Variants in ATP2A2 observed in about 807,000 individuals in gnomAD.
ATP2A2 encodes the protein ATPase sarcoplasmic/endoplasmic reticulum Ca2+ transporting 2.
Under a neutral mutation model 109.3 loss-of-function variants are expected in ATP2A2, and 14 were observed. The observed-to-expected ratio is 0.13, with a 90% CI of 0.08 to 0.20. The LOEUF is 0.20. Ranked by LOEUF, ATP2A2 falls within the 10% of genes least tolerant of loss-of-function variation. ATP2A2 has a pLI of 1.00. For synonymous variants in ATP2A2, 506 were observed against 490.9 expected (o/e 1.03, Z -0.41); for missense variants, 657 against 1,321.6 (o/e 0.50, Z 7.80).
Position 110,281,533 on chromosome 12 carries a change from C to T in ATP2A2, c.-257C>T. ...CTGAGGGCGAGGGAGGCCCTCCCTTCTGGCGAGGGGAGGGAGGGTGGGTCA... is the reference window on the plus strand; with the variant it reads ...CTGAGGGCGAGGGAGGCCCTCCCTTTTGGCGAGGGGAGGGAGGGTGGGTCA... On this transcript the variant is annotated 5_prime_UTR_variant, in exon 1 of 20. Transcript: ENST00000539276. 4.4e-6 allele frequency: 1 copy of T among 228,798 alleles called. No homozygotes were observed. Among genetic ancestry groups the T allele is most frequent in the Non-Finnish European group, 8.4e-6 (1 of 119,376 alleles). 14.2% of individuals were successfully genotyped at this position (228,798 alleles called of 1,614,324 possible).
chr12:110,289,707 G>A (rs1175087066), intron 3 of ATP2A2, among the ~76,000 whole-genome samples: 1 of 151,864 alleles, frequency 6.6e-6, no homozygotes, highest in Non-Finnish European at 1.5e-5. Context: ...ATTTTATTAT[G>A]AAATATGCAA....
intron 4 of ATP2A2, among the ~76,000 whole-genome samples, chr12:110,294,304 A>C (rs1027266268): frequency 6.8e-4 from 104 of 152,136 alleles, no homozygotes; most frequent in Non-Finnish European, 1.3e-3. Flanking sequence ...CGGCCTCCCA[A>C]AGTGCCGGGA....
Position 110,348,269 on chromosome 12 carries a change from C to T in ATP2A2, c.*1799C>T, listed in dbSNP as rs1305054120. ...ATAGGCCACTTCCCCACTCCCCCAC[C>T]CCCCCTTGCTTGGTCTTGTCCTTGG... On this transcript the variant is annotated 3_prime_UTR_variant, in exon 20 of 20. Coordinates refer to ENST00000539276, the MANE Select transcript of ATP2A2 (RefSeq NM_170665.4). 1.0e-6 allele frequency: 1 copy of T among 985,142 alleles called. No homozygotes were observed. The highest frequency in any genetic ancestry group is 1.2e-6 in the Non-Finnish European group (1 of 829,892). 61.0% of individuals were successfully genotyped at this position (985,142 alleles called of 1,614,324 possible).
chr12:110,328,139 C>A, intron 8 of ATP2A2, 122 bp downstream of exon 8: 2 of 979,312 alleles, frequency 2.0e-6, no homozygotes, highest in Non-Finnish European at 3.1e-6. Context: ...GTATGTATAG[C>A]CTGAGCTTAA....
chr12:110,336,209 G>T (rs1031040721), intron 11 of ATP2A2, among the ~76,000 whole-genome samples: 3 of 152,146 alleles, frequency 2.0e-5, no homozygotes, highest in South Asian at 4.1e-4. Context: ...GGACATTGTT[G>T]TAACTTAGGG....
intron 10 of ATP2A2, 78 bp downstream of exon 10, chr12:110,333,361 C>T (rs1008655594): frequency 2.3e-6 from 3 of 1,324,498 alleles, no homozygotes; most frequent in South Asian, 1.2e-5. Flanking sequence ...GTCTAGCCTG[C>T]CTTCCTCCCT....
At chr12:110,281,976 G>T in intron 1 of ATP2A2, 69 bp downstream of exon 1, 1 of 1,313,598 alleles carries the variant, frequency 7.6e-7, no homozygotes, top group Non-Finnish European at 1.0e-6. Context: ...GGCTGACCGG[G>T]CTCCACCTCG....
At chr12:110,337,348 C>T (rs1878930224) in intron 11 of ATP2A2, among the ~76,000 whole-genome samples, 1 of 152,158 alleles carries the variant, frequency 6.6e-6, no homozygotes, top group African/African-American at 2.4e-5. Context: ...AAAGGGATTT[C>T]CCTCCCCCAC....
At chr12:110,309,283 T>G (rs1372047500) in intron 5 of ATP2A2, among the ~76,000 whole-genome samples, 1 of 146,738 alleles carries the variant, frequency 6.8e-6, no homozygotes, top group Non-Finnish European at 1.5e-5. Context: ...TCAGCCTCCC[T>G]AGTAGCAGGG....
chr12:110,304,941 T>C (rs995265904), intron 5 of ATP2A2, among the ~76,000 whole-genome samples: 1 of 151,984 alleles, frequency 6.6e-6, no homozygotes, highest in Non-Finnish European at 1.5e-5. Flanking sequence ...CTTTTTTTTT[T>C]CTTTTTGAGA....
intron 4 of ATP2A2, 76 bp downstream of exon 4, chr12:110,292,200 T>C (rs1481321172): frequency 1.2e-5 from 14 of 1,124,180 alleles, no homozygotes; most frequent in Middle Eastern, 2.5e-4. Context: ...CTTTCTGTTA[T>C]CTGTTTTTCC....
chr12:110,345,446 G>A lies in ATP2A2; in HGVS notation c.2741+64G>A, dbSNP rs1879755630. ...GACTGCCAGGGCACCGGGGAATTGT[G>A]TGTAGTCACGGTTGATTGAGGATCA... On this transcript the variant is annotated intron_variant, in intron 18 of 19. Coordinates refer to ENST00000539276, the MANE Select transcript of ATP2A2 (RefSeq NM_170665.4). 22 of 1,601,614 alleles carry A rather than the reference G, an allele frequency of 1.4e-5. No individual in the cohort carries two copies. The East Asian group carries it at 1.8e-4, about 13-fold the overall frequency.
At chr12:110,322,083 C>T (rs925690651) in intron 5 of ATP2A2, among the ~76,000 whole-genome samples, 5 of 151,514 alleles carry the variant, frequency 3.3e-5, no homozygotes, top group African/African-American at 1.2e-4. Context: ...CTCCGCCTCC[C>T]GGGTTCACGC....
Position 110,340,522 on chromosome 12 carries a change from G to A in ATP2A2, c.1762-137G>A, listed in dbSNP as rs1196532855. On this transcript the variant is annotated intron_variant, in intron 13 of 19. Coordinates refer to ENST00000539276, the MANE Select transcript of ATP2A2 (RefSeq NM_170665.4). This position sits in a 1 kb window ranked among gnomAD's most constrained non-coding sequence, Gnocchi z 6.0. ...CATGGCACTCCAGCCTGGGCAACAA[G>A]AGCGAAACTCCGCCTCAAAAAAAAA... is the stretch of plus-strand genomic sequence containing the variant. The A allele has an allele frequency of 1.0e-6, 1 of 975,150 alleles. No homozygotes were observed. Among genetic ancestry groups the A allele is most frequent in the African/African-American group, 1.7e-5 (1 of 60,090 alleles). The allele number at this position is 975,150 out of a possible 1,614,324, so 60.4% of individuals were successfully genotyped here.
chr12:110,303,179 G>A (rs899482976), intron 5 of ATP2A2, among the ~76,000 whole-genome samples: 7 of 152,176 alleles, frequency 4.6e-5, no homozygotes, highest in Non-Finnish European at 1.0e-4. Flanking sequence ...AAACATAGTT[G>A]CTGTGCAGAA....
intron 3 of ATP2A2, among the ~76,000 whole-genome samples, chr12:110,285,405 T>G (rs937612909): frequency 2.0e-5 from 3 of 152,232 alleles, no homozygotes; most frequent in Non-Finnish European, 2.9e-5. Flanking sequence ...TTGTTCTAAA[T>G]GTAACACATC....
intron 5 of ATP2A2, among the ~76,000 whole-genome samples, chr12:110,322,202 C>G (rs1877319460): frequency 6.6e-6 from 1 of 152,114 alleles, no homozygotes; most frequent in Non-Finnish European, 1.5e-5. Context: ...AGAGGTGTTT[C>G]TTTATACCAT....
chr12:110,284,675 C>T (rs1008203160), intron 3 of ATP2A2, among the ~76,000 whole-genome samples: 2 of 151,988 alleles, frequency 1.3e-5, no homozygotes, highest in Admixed American at 6.6e-5. Flanking sequence ...AGGACCTTGG[C>T]TTTGTGGAGC....
At chr12:110,321,668 C>T (rs1349045912) in intron 5 of ATP2A2, among the ~76,000 whole-genome samples, 3 of 152,188 alleles carry the variant, frequency 2.0e-5, no homozygotes, top group African/African-American at 7.2e-5. Context: ...CTCCTAGCTT[C>T]GAGTGATCCT....
Sources: gnomAD v4.1 joint callset for allele counts (sites outside exome capture counted in the v4.1 genomes callset) on GRCh38, gnomAD v4.1.1 for gene constraint, Gnocchi (gnomAD v3.1) non-coding constraint, MANE v1.5 for transcripts, NCBI Gene and HGNC (gene_info 2026-07-23, HGNC 2026-07-21) for gene names.